TMEM131: variants seen among roughly 807,000 people sequenced by gnomAD.
The protein encoded by TMEM131 is 2610524E03Rik.
A neutral mutation model predicts 211.6 loss-of-function variants in TMEM131; 66 were observed. That is an observed-to-expected ratio of 0.31 (90% CI 0.26 to 0.38). The LOEUF (loss-of-function observed/expected upper bound fraction) is 0.38, where lower values mean the gene tolerates loss of function less well. Ranked by LOEUF, TMEM131 falls within the 10% of genes least tolerant of loss-of-function variation. The pLI is 1.00. For missense variants in TMEM131, 2,036 were observed against 2,299.3 expected, an observed-to-expected ratio of 0.89 and a Z score of 2.34; for synonymous variants, 844 against 841.3, an observed-to-expected ratio of 1.00 and a Z score of -0.06.
intron 1 of TMEM131, among the ~76,000 whole-genome samples, chr2:97,959,199 A>C (rs957817998): frequency 6.6e-6 from 1 of 152,228 alleles, no homozygotes; most frequent in African/African-American, 2.4e-5. Context: ...CTGAAGACTG[A>C]AGTAAAGAAA....
rs771672333 is a variant in TMEM131 at position 97,814,332 on chromosome 2, T to TCAG, written c.1346_1348dup (p.Ala449dup). ...AAGGTAAATTGGCCTTTCCACAGGATCAGCAGGGCTGTCTCGGATGTGAAA... is the reference window on the plus strand; with the variant it reads ...AAGGTAAATTGGCCTTTCCACAGGATCAGCAGCAGGGCTGTCTCGGATGTGAAA... On this transcript the variant is annotated inframe_insertion, in exon 14 of 41. Transcript: ENST00000186436. The TCAG allele has an allele frequency of 6.2e-7, 1 of 1,613,718 alleles. No homozygotes were observed. Among genetic ancestry groups the TCAG allele is most frequent in the Non-Finnish European group, 8.5e-7 (1 of 1,179,852 alleles).
chr2:97,896,846 T>G (rs900167433), intron 3 of TMEM131, among the ~76,000 whole-genome samples: 19 of 152,244 alleles, frequency 1.2e-4, no homozygotes, highest in Middle Eastern at 3.4e-3. Flanking sequence ...CATCTAATCT[T>G]GAAAAGCAGC....
chr2:97,835,613 C>T (rs1682902157), intron 8 of TMEM131, among the ~76,000 whole-genome samples: 1 of 152,186 alleles, frequency 6.6e-6, no homozygotes, highest in African/African-American at 2.4e-5. Flanking sequence ...ACAAACCTTT[C>T]AGCATATTTT....
intron 1 of TMEM131, among the ~76,000 whole-genome samples, chr2:97,934,886 C>G (rs1478989920): frequency 6.6e-6 from 1 of 151,908 alleles, no homozygotes; most frequent in Non-Finnish European, 1.5e-5. Context: ...CATCACTGCT[C>G]TAAATTTAAA....
At chr2:97,902,539 T>C (rs529113097) in intron 3 of TMEM131, among the ~76,000 whole-genome samples, 1 of 152,334 alleles carries the variant, frequency 6.6e-6, no homozygotes, top group African/African-American at 2.4e-5. Flanking sequence ...TTGTGTATAC[T>C]GTACATATTT....
Position 97,792,554 on chromosome 2 carries a change from G to T in TMEM131, c.3976C>A (p.Leu1326Ile). 6.2e-7 allele frequency: 1 copy of T among 1,613,392 alleles called. No homozygotes were observed. Among genetic ancestry groups the T allele is most frequent in the Non-Finnish European group, 8.5e-7 (1 of 1,179,682 alleles). Residue 1326 changes from leucine (L) to isoleucine (I), a missense_variant, in exon 31 of 41, where the codon CTC (leucine) becomes ATC (isoleucine). Transcript: ENST00000186436. The part of the protein sequence containing the change: ...PQPERLSPAP[L>I]AHPSHPERAS... ...CGTTCTGGGTGGGAAGGGTGTGCGAGGGGGGCGGGAGACAGCCTTTCAGGC... is the reference window on the plus strand; with the variant it reads ...CGTTCTGGGTGGGAAGGGTGTGCGATGGGGGCGGGAGACAGCCTTTCAGGC...
At chr2:97,980,050 G>A (rs1012884371) in intron 1 of TMEM131, among the ~76,000 whole-genome samples, 1 of 152,118 alleles carries the variant, frequency 6.6e-6, no homozygotes, top group African/African-American at 2.4e-5. Context: ...GAGAAGTGGG[G>A]GAACAGCCAG....
intron 3 of TMEM131, among the ~76,000 whole-genome samples, chr2:97,890,048 C>T (rs973683044): frequency 1.3e-5 from 2 of 152,054 alleles, no homozygotes; most frequent in Admixed American, 1.3e-4. Flanking sequence ...ATGTATTTGG[C>T]GAGTTGAACA....
rs1682725613 is a variant in TMEM131, at chr2:97,832,052, T to C, written c.1074+1313A>G. On this transcript the variant is annotated intron_variant, in intron 11 of 40. Coordinates refer to ENST00000186436, the MANE Select transcript of TMEM131 (RefSeq NM_015348.2). ...GCAGCTCTAACTCAGCTTTCCTATC[T>C]AGAAAACTAGGACCACTGCACCATA... Among the ~76,000 whole-genome samples the C allele has an allele frequency of 2.1e-5, 3 of 145,992 alleles. No homozygotes were observed. In the South Asian group the frequency reaches 6.5e-4, roughly 32 times the overall value.
intron 15 of TMEM131, 94 bp downstream of exon 15, chr2:97,813,877 T>C: frequency 9.8e-7 from 1 of 1,025,136 alleles, no homozygotes; most frequent in Admixed American, 3.2e-5. Flanking sequence ...GCACAAATAA[T>C]GGCAAACCGT....
intron 4 of TMEM131, among the ~76,000 whole-genome samples, chr2:97,872,857 A>T (rs1674546472): frequency 6.6e-6 from 1 of 151,892 alleles, no homozygotes; most frequent in Non-Finnish European, 1.5e-5. Context: ...TTTTTTTTCC[A>T]TACCCCATTG....
intron 4 of TMEM131, among the ~76,000 whole-genome samples, chr2:97,862,256 AG>A (rs1216325321): frequency 6.6e-6 from 1 of 152,226 alleles, no homozygotes; most frequent in Non-Finnish European, 1.5e-5. Context: ...CCCAAGAAGA[AG>A]GGGTACAAAC....
At chr2:97,825,854 G>T (rs1223582802) in intron 11 of TMEM131, among the ~76,000 whole-genome samples, 3 of 152,202 alleles carry the variant, frequency 2.0e-5, no homozygotes, top group African/African-American at 7.2e-5. Flanking sequence ...ACAAGGAAAG[G>T]ATCTCACTGT....
At chr2:97,846,945 C>T (rs1683468132) in intron 5 of TMEM131, among the ~76,000 whole-genome samples, 1 of 152,102 alleles carries the variant, frequency 6.6e-6, no homozygotes, top group East Asian at 1.9e-4. Context: ...ATTTGGGAGG[C>T]CGAGGTGGGC....
chr2:97,922,259 T>C (rs1676772876), intron 2 of TMEM131, among the ~76,000 whole-genome samples: 1 of 152,134 alleles, frequency 6.6e-6, no homozygotes, highest in African/African-American at 2.4e-5. Context: ...CAGGAGGTAA[T>C]GTTCACTTCT....
chr2:97,906,928 GAATAT>G (rs1676096106), intron 3 of TMEM131, among the ~76,000 whole-genome samples: 3 of 152,116 alleles, frequency 2.0e-5, no homozygotes. Flanking sequence ...CATGAGATGA[GAATAT>G]AATTATGTAC....
At chr2:97,985,516 G>A (rs1163417274) in intron 1 of TMEM131, among the ~76,000 whole-genome samples, 1 of 152,018 alleles carries the variant, frequency 6.6e-6, no homozygotes, top group Non-Finnish European at 1.5e-5. Context: ...ATGATTTGAG[G>A]ATTCATAGGG....
intron 1 of TMEM131, among the ~76,000 whole-genome samples, chr2:97,947,647 T>A (rs539240540): frequency 6.6e-6 from 1 of 152,172 alleles, no homozygotes; most frequent in East Asian, 1.9e-4. Flanking sequence ...ATCTAGACAG[T>A]CAATACAATT....
At chr2:97,897,046 T>C (rs964600045) in intron 3 of TMEM131, among the ~76,000 whole-genome samples, 1 of 152,146 alleles carries the variant, frequency 6.6e-6, no homozygotes, top group Non-Finnish European at 1.5e-5. Flanking sequence ...TCAACATTTT[T>C]TTTGTTAAAT....
Sources: allele counts gnomAD v4.1 joint callset (sites outside exome capture counted in the v4.1 genomes callset), GRCh38; gene constraint gnomAD v4.1.1; transcripts MANE v1.5; gene names NCBI Gene and HGNC (gene_info 2026-07-23, HGNC 2026-07-21).